Variants in AP2B1 observed in about 807,000 individuals in gnomAD.
AP2B1 encodes AP-2 complex subunit beta.
Under a neutral mutation model 102.0 loss-of-function variants are expected in AP2B1, and 23 were observed. The ratio of observed to expected loss-of-function variants is 0.23; its 90% CI spans 0.16 to 0.32. AP2B1 has a LOEUF of 0.32. Among genes scored for constraint, AP2B1 ranks in the 10% least tolerant of loss-of-function variants. AP2B1 has a pLI of 1.00. For missense variants in AP2B1, 541 were observed against 1,157.4 expected, an observed-to-expected ratio of 0.47 and a Z score of 7.73; for synonymous variants, 381 against 421.2, an observed-to-expected ratio of 0.90 and a Z score of 1.17.
At chr17:35,687,840 C>T (rs1184375742) in intron 18 of AP2B1, among the ~76,000 whole-genome samples, 1 of 152,134 alleles carries the variant, frequency 6.6e-6, no homozygotes, top group Non-Finnish European at 1.5e-5. Flanking sequence ...TATGAGCCTC[C>T]ACACCCTGCC....
intron 3 of AP2B1, among the ~76,000 whole-genome samples, chr17:35,604,721 G>A (rs930081142): frequency 2.0e-5 from 3 of 152,112 alleles, no homozygotes; most frequent in Non-Finnish European, 2.9e-5. Flanking sequence ...TGGTGCCACT[G>A]AACTCCAGCC....
chr17:35,588,242 TG>T (rs1161526872), intron 1 of AP2B1, among the ~76,000 whole-genome samples: 1 of 16,898 alleles, frequency 5.9e-5, no homozygotes, highest in African/African-American at 2.4e-4. Context: ...AGGGGTGGGG[TG>T]GGGGGGGACA....
At chr17:35,604,199 C>G (rs2073585431) in intron 3 of AP2B1, among the ~76,000 whole-genome samples, 1 of 152,028 alleles carries the variant, frequency 6.6e-6, no homozygotes, top group Admixed American at 6.6e-5. Context: ...CCTCCGCATC[C>G]CAGGCTCAAG....
chr17:35,673,220 ATT>A (rs200528269), intron 16 of AP2B1, among the ~76,000 whole-genome samples: 1 of 150,698 alleles, frequency 6.6e-6, no homozygotes, highest in Non-Finnish European at 1.5e-5. Flanking sequence ...TTTTTATTTT[ATT>A]TTTTTTTAGA....
rs527691831 is a variant in AP2B1 at position 35,679,063 on chromosome 17, G to A, written c.2325-3632G>A. ...CTTTTTTATAATAGGGCTTTGAACA[G>A]TTGCTGTGTTTTTTACCATTATGAT... On this transcript the variant is annotated intron_variant, in intron 17 of 21. Coordinates refer to ENST00000610402, the MANE Select transcript of AP2B1 (RefSeq NM_001030006.2). Among the ~76,000 whole-genome samples, 17 of 152,312 alleles carry A rather than the reference G, an allele frequency of 1.1e-4. No homozygotes were observed. In the South Asian group the frequency reaches 3.1e-3, roughly 28 times the overall value.
chr17:35,657,927 T>C (rs2075270187), intron 14 of AP2B1, 136 bp downstream of exon 14: 1 of 728,628 alleles, frequency 1.4e-6, no homozygotes, highest in African/African-American at 1.8e-5. Flanking sequence ...GACAGGATTC[T>C]TTGTCTTTAG....
At chr17:35,698,510 C>T (rs914996897) in intron 18 of AP2B1, among the ~76,000 whole-genome samples, 4 of 152,042 alleles carry the variant, frequency 2.6e-5, no homozygotes, top group Admixed American at 6.6e-5. Flanking sequence ...GATGAAATCT[C>T]ACCATGTTGC....
intron 14 of AP2B1, among the ~76,000 whole-genome samples, chr17:35,658,099 T>C (rs1326766450): frequency 6.6e-6 from 1 of 152,206 alleles, no homozygotes; most frequent in Non-Finnish European, 1.5e-5. Context: ...GAGTTTATTA[T>C]TGTTCCTAGC....
intron 9 of AP2B1, among the ~76,000 whole-genome samples, chr17:35,630,339 A>G (rs2074427647): frequency 6.6e-6 from 1 of 152,186 alleles, no homozygotes; most frequent in Non-Finnish European, 1.5e-5. Flanking sequence ...TTGGATCTTG[A>G]TATGTTAACA....
intron 17 of AP2B1, among the ~76,000 whole-genome samples, chr17:35,674,985 A>G (rs2075670347): frequency 6.6e-6 from 1 of 152,268 alleles, no homozygotes. Context: ...GGGCTAGAGT[A>G]GTGAACCAAA....
intron 13 of AP2B1, among the ~76,000 whole-genome samples, chr17:35,656,003 C>T (rs918151375): frequency 1.3e-5 from 2 of 152,034 alleles, no homozygotes; most frequent in African/African-American, 4.8e-5. Flanking sequence ...GGATGCAAGT[C>T]CTTTGTTAGT....
intron 18 of AP2B1, among the ~76,000 whole-genome samples, chr17:35,690,649 A>C (rs2076022858): frequency 6.6e-6 from 1 of 152,168 alleles, no homozygotes; most frequent in African/African-American, 2.4e-5. Flanking sequence ...TCTCCCCACC[A>C]TACAGTTCCA....
chr17:35,720,573 A>ATATAT (rs1324333805), intron 21 of AP2B1, among the ~76,000 whole-genome samples: 5 of 28,066 alleles, frequency 1.8e-4, no homozygotes, highest in East Asian at 2.5e-3. Context: ...ATATATATAT[A>ATATAT]TTTTTTTTTT....
At chr17:35,597,597 A>G (rs1404972275) in intron 2 of AP2B1, among the ~76,000 whole-genome samples, 1 of 152,254 alleles carries the variant, frequency 6.6e-6, no homozygotes, top group East Asian at 1.9e-4. Context: ...GGTGTGCGTT[A>G]GAGTCACTTG....
intron 7 of AP2B1, among the ~76,000 whole-genome samples, chr17:35,627,161 A>T (rs374099099): frequency 6.6e-6 from 1 of 151,548 alleles, no homozygotes; most frequent in Non-Finnish European, 1.5e-5. Flanking sequence ...CTTCATGGCA[A>T]CATGTGCCCT....
At chr17:35,665,385 G>A (rs755855376) in intron 14 of AP2B1, among the ~76,000 whole-genome samples, 1 of 152,030 alleles carries the variant, frequency 6.6e-6, no homozygotes, top group Non-Finnish European at 1.5e-5. Context: ...CTCAGCTTCC[G>A]TAAGGGCTGG....
intron 9 of AP2B1, among the ~76,000 whole-genome samples, chr17:35,635,447 T>A (rs2074579780): frequency 6.6e-6 from 1 of 151,778 alleles, no homozygotes; most frequent in African/African-American, 2.4e-5. Flanking sequence ...TGCAGTGGTG[T>A]GATCTCGGCT....
chr17:35,610,424 G>A (rs1191302119), intron 5 of AP2B1, among the ~76,000 whole-genome samples: 1 of 151,916 alleles, frequency 6.6e-6, no homozygotes, highest in East Asian at 1.9e-4. Flanking sequence ...TGGGATTACA[G>A]GCATGAGCCA....
At chr17:35,596,839 C>T (rs2073301729) in intron 2 of AP2B1, 1 of 671,874 alleles carries the variant, frequency 1.5e-6, no homozygotes, top group Non-Finnish European at 2.8e-6. Context: ...CGCTGCCCCA[C>T]ACCGCACACA....
Sources: gnomAD v4.1 joint callset for allele counts (sites outside exome capture counted in the v4.1 genomes callset) on GRCh38, gnomAD v4.1.1 for gene constraint, MANE v1.5 for transcripts, NCBI Gene and HGNC (gene_info 2026-07-23, HGNC 2026-07-21) for gene names.